The following PCDHA4 variants were observed in gnomAD, a reference collection of about 807,000 sequenced individuals.
PCDHA4 encodes the protein protocadherin alpha 4.
PCDHA4 carries 49 observed loss-of-function variants against 61.4 expected under a neutral mutation model. The observed-to-expected ratio is 0.80, with a 90% CI of 0.63 to 1.01. PCDHA4 has a LOEUF of 1.01. PCDHA4 is among the 50% of genes least tolerant of loss of function. The pLI is 0.00. For synonymous variants in PCDHA4, 590 were observed against 550.3 expected (o/e 1.07, Z -1.01); for missense variants, 1,254 against 1,235.8 (o/e 1.01, Z -0.22).
chr5:140,900,437 C>T (rs1284375985), intron 1 of PCDHA4, among the ~76,000 whole-genome samples: 4 of 152,148 alleles, frequency 2.6e-5, no homozygotes, highest in African/African-American at 9.7e-5. Flanking sequence ...GCCACCACGG[C>T]CGGCTAATTT....
chr5:140,815,318 T>C (rs909409107), intron 1 of PCDHA4: 1 of 152,164 alleles, frequency 6.6e-6, no homozygotes, highest in African/African-American at 2.4e-5. Context: ...TGTAATGCTA[T>C]GTTTTTGTTC....
rs1382379376 is a variant in PCDHA4, at chr5:140,858,936, T to A, written c.2385+49364T>A. On this transcript the variant is annotated intron_variant, in intron 1 of 3. Transcript: ENST00000530339. ...TATACTGCCATAGTAGATTTCAATG[T>A]TCAGTGATTACAGCTTTTTCTCAAT... The A allele has an allele frequency of 1.2e-5, 2 of 160,734 alleles. 1 individual carries two copies. Among genetic ancestry groups the A allele is most frequent in the Non-Finnish European group, 2.7e-5 (2 of 74,452 alleles). The allele number at this position is 160,734 out of a possible 1,614,324, so 10.0% of individuals were successfully genotyped here.
chr5:140,826,024 G>C (rs1338983060), intron 1 of PCDHA4, among the ~76,000 whole-genome samples: 1 of 152,162 alleles, frequency 6.6e-6, no homozygotes, highest in Non-Finnish European at 1.5e-5. Context: ...GATAAAATGT[G>C]AATTCCCTAT....
At chr5:140,886,330 T>C (rs1403720039) in intron 1 of PCDHA4, among the ~76,000 whole-genome samples, 1 of 152,192 alleles carries the variant, frequency 6.6e-6, no homozygotes, top group Admixed American at 6.5e-5. Context: ...CTGGGATACA[T>C]GTGCAGAACG....
At chr5:140,931,246 C>A (rs2087398062) in intron 1 of PCDHA4, among the ~76,000 whole-genome samples, 1 of 152,114 alleles carries the variant, frequency 6.6e-6, no homozygotes, top group East Asian at 1.9e-4. Flanking sequence ...ACTTTTCCTA[C>A]CAAGAAATTT....
rs2098420299 is a variant in PCDHA4 at position 141,011,351 on chromosome 5, A to G, written c.*1414A>G. The G allele has an allele frequency of 1.3e-5, 2 of 153,694 alleles. No homozygotes were observed. Among genetic ancestry groups the G allele is most frequent in the African/African-American group, 2.4e-5 (1 of 41,410 alleles). 9.5% of individuals were successfully genotyped at this position (153,694 alleles called of 1,614,324 possible). A position where few individuals can be genotyped will look rare whatever the true frequency, so the allele number is the denominator to read the frequency against. On this transcript the variant is annotated 3_prime_UTR_variant, in exon 4 of 4. Transcript: ENST00000530339. ...TGATGTTACCTGAAATCAATCTCCC[A>G]TATGTATGCTGTATGCTATGCTAAG...
chr5:140,945,041 C>T (rs2093729370), intron 1 of PCDHA4, among the ~76,000 whole-genome samples: 1 of 151,978 alleles, frequency 6.6e-6, no homozygotes, highest in African/African-American at 2.4e-5. Flanking sequence ...TATCTTTGGT[C>T]TTATATAAAG....
chr5:140,813,976 C>G (rs1765414917), intron 1 of PCDHA4: 1 of 152,588 alleles, frequency 6.6e-6, no homozygotes, highest in Non-Finnish European at 1.5e-5. Flanking sequence ...CCAGCCTGAG[C>G]AACAGAGTGA....
At chr5:140,836,658 T>C (rs2150267080) in intron 1 of PCDHA4, 1 of 1,613,298 alleles carries the variant, frequency 6.2e-7, no homozygotes, top group South Asian at 1.1e-5. Flanking sequence ...GCAGAGGGTG[T>C]GCTCTGGGGA....
At chr5:140,966,796 G>A (rs1255615650) in intron 1 of PCDHA4, 8 of 1,535,610 alleles carry the variant, frequency 5.2e-6, no homozygotes, top group African/African-American at 1.4e-5. Flanking sequence ...GACCTGCGGC[G>A]ACAGAGCATC....
chr5:140,988,444 A>G (rs1554250146), intron 3 of PCDHA4, among the ~76,000 whole-genome samples: 1 of 152,112 alleles, frequency 6.6e-6, no homozygotes, highest in Non-Finnish European at 1.5e-5. Flanking sequence ...GATTGACCTG[A>G]AGGGAGGAAG....
intron 1 of PCDHA4, chr5:140,847,603 G>A (rs2150402221): frequency 1.3e-5 from 2 of 149,376 alleles, no homozygotes; most frequent in Non-Finnish European, 3.0e-5. Context: ...AAAACATATT[G>A]TAATAACATT....
In PCDHA4 at chr5:140,883,010, A is replaced by G. The variant is rs149814661; in HGVS notation, c.2385+73438A>G. 9.8e-4 allele frequency: 1,586 copies of G among 1,614,156 alleles called. 2 individuals carry two copies. The highest frequency in any genetic ancestry group is 1.3e-3 in the Non-Finnish European group (1,478 of 1,180,036). ...CCCGGAATTTTACCAATCCGTTTAT[A>G]AAGTGACGGTGTTAGAGAACGCCTT... On this transcript the variant is annotated intron_variant, in intron 1 of 3. Coordinates refer to ENST00000530339, the MANE Select transcript of PCDHA4 (RefSeq NM_018907.4).
At chr5:140,869,694 G>T (rs782372405) in intron 1 of PCDHA4, 8 of 1,613,394 alleles carry the variant, frequency 5.0e-6, no homozygotes, top group Non-Finnish European at 6.8e-6. Context: ...TTATTTTAAA[G>T]AAGTCTCTGG....
At chr5:140,832,957 G>A in intron 1 of PCDHA4, among the ~76,000 whole-genome samples, 1 of 152,166 alleles carries the variant, frequency 6.6e-6, no homozygotes, top group Non-Finnish European at 1.5e-5. Flanking sequence ...TGAGTATACA[G>A]AAAATTCCAA....
chr5:140,994,788 C>G (rs139745274), intron 3 of PCDHA4, among the ~76,000 whole-genome samples: 1 of 152,194 alleles, frequency 6.6e-6, no homozygotes, highest in East Asian at 1.9e-4. Context: ...GGAAACAATG[C>G]GTGCATGCAA....
At chr5:140,928,467 A>C (rs782319281) in intron 1 of PCDHA4, 29 of 1,614,142 alleles carry the variant, frequency 1.8e-5, no homozygotes, top group Non-Finnish European at 2.3e-5. Flanking sequence ...ATTTCCAAGT[A>C]GAAGGCCGGG....
At chr5:140,947,998 T>C (rs2094201986) in intron 1 of PCDHA4, among the ~76,000 whole-genome samples, 1 of 122,112 alleles carries the variant, frequency 8.2e-6, no homozygotes, top group Admixed American at 8.2e-5. Flanking sequence ...AAATACTTTA[T>C]TAAATTTAGG....
At chr5:140,872,878 C>G (rs1582101357) in intron 1 of PCDHA4, among the ~76,000 whole-genome samples, 1 of 152,160 alleles carries the variant, frequency 6.6e-6, no homozygotes, top group East Asian at 1.9e-4. Flanking sequence ...TTATCAGTTT[C>G]ATTCATCTCA....
Sources: allele counts gnomAD v4.1 joint callset (sites outside exome capture counted in the v4.1 genomes callset), GRCh38; gene constraint gnomAD v4.1.1; transcripts MANE v1.5; gene names NCBI Gene and HGNC (gene_info 2026-07-23, HGNC 2026-07-21).